The following TTN variants were observed in gnomAD, a reference collection of about 807,000 sequenced individuals.
TTN encodes connectin.
Under a neutral mutation model 3,223.0 loss-of-function variants are expected in TTN, and 1,525 were observed. The observed-to-expected ratio is 0.47, with a 90% confidence interval of 0.45 to 0.49. TTN has a LOEUF of 0.49. Among genes scored for constraint, TTN ranks in the 20% least tolerant of loss-of-function variants. The pLI is 0.00. For synonymous variants in TTN, 14,094 were observed against 15,161.0 expected (o/e 0.93, Z 5.17); for missense variants, 40,786 against 43,424.0 (o/e 0.94, Z 5.40).
intron 47 of TTN, chr2:178,747,648 G>A: frequency 2.5e-6 from 4 of 1,613,198 alleles, no homozygotes; most frequent in Non-Finnish European, 3.4e-6. Flanking sequence ...TTAGTTTCAG[G>A]AACCTCACGC....
Position 178,571,012 on chromosome 2 carries a change from A to T in TTN, c.75120T>A (p.Gly25040=). The T allele has an allele frequency of 6.2e-7, 1 of 1,612,608 alleles. No individual in the cohort carries two copies. Among genetic ancestry groups the T allele is most frequent in the South Asian group, 1.1e-5 (1 of 91,054 alleles). Residue 25040 remains glycine, a synonymous_variant, in exon 326 of 363, where the codon GGT becomes GGA. Transcript: ENST00000589042. ...PTYDGGSKIT[G]YIVEKKELPE... ...GTAATTCTTTCTTCTCAACAATATA[A>T]CCAGTGATCTTGCTTCCACCGTCAT...
At chr2:178,777,345 G>C in intron 26 of TTN, 28 bp from the exon 27 acceptor site, 1 of 1,613,322 alleles carries the variant, frequency 6.2e-7, no homozygotes. Context: ...TGATTTAGAG[G>C]GAGTAAGGCT....
intron 242 of TTN, among the ~76,000 whole-genome samples, chr2:178,623,959 T>C (rs2058670540): frequency 6.6e-6 from 1 of 151,952 alleles, no homozygotes; most frequent in Non-Finnish European, 1.5e-5. Flanking sequence ...TCTCAGAGAT[T>C]GAATCATGTG....
chr2:178,608,033 G>GT lies in TTN; in HGVS notation c.52753dup (p.Thr17585AsnfsTer3). The GT allele has an allele frequency of 6.2e-7, 1 of 1,612,804 alleles. No individual in the cohort carries two copies. The highest frequency in any genetic ancestry group is 8.5e-7 in the Non-Finnish European group (1 of 1,179,280). The stretch of plus-strand genomic sequence containing the variant: ...TGGGGGTTCCCATTCTAGTTCAATA[G>GT]TTGTAGAGCTTGTGTCAGTGACTCT... On this transcript the variant is annotated frameshift_variant, in exon 276 of 363. Coordinates refer to ENST00000589042, the MANE Select transcript of TTN (RefSeq NM_001267550.2). LOFTEE classifies it high-confidence loss of function.
At chr2:178,605,333 A>G (rs2054519162) in intron 279 of TTN, 38 bp from the exon 280 acceptor site, 7 of 1,536,030 alleles carry the variant, frequency 4.6e-6, no homozygotes, top group Admixed American at 2.1e-5. Flanking sequence ...TAACAAAGTC[A>G]TAAGGATGTT....
chr2:178,705,886 C>T (rs1277150336), intron 102 of TTN, among the ~76,000 whole-genome samples: 2 of 152,246 alleles, frequency 1.3e-5, no homozygotes, highest in East Asian at 3.9e-4. Flanking sequence ...AAGTTTCATA[C>T]CTAGGCACAG....
At chr2:178,580,825 C>G in intron 316 of TTN, 1 of 541,512 alleles carries the variant, frequency 1.8e-6, no homozygotes, top group Non-Finnish European at 3.2e-6. Flanking sequence ...CCAGGTTTTC[C>G]CCCCGGAGGA....
rs542293215 is a variant in TTN at position 178,605,723 on chromosome 2, G to C, written c.53582-10C>G. On this transcript the variant is annotated splice_polypyrimidine_tract_variant and intron_variant, in intron 278 of 362. Coordinates refer to ENST00000589042, the MANE Select transcript of TTN (RefSeq NM_001267550.2). The stretch of plus-strand genomic sequence containing the variant: ...GGAGATGTTGGAGGACCTTTAGCCA[G>C]AGGCAAGTGAAAATGATTAGCATGA... The C allele has an allele frequency of 2.7e-6, 4 of 1,459,500 alleles. No homozygotes were observed. The highest frequency in any genetic ancestry group is 3.6e-6 in the Non-Finnish European group (4 of 1,101,058). The allele number at this position is 1,459,500 out of a possible 1,614,324, so 90.4% of individuals were successfully genotyped here.
In TTN at chr2:178,577,626, T is replaced by C. The variant is rs749399592; in HGVS notation, c.68800A>G (p.Thr22934Ala). Reference sequence around the variant, plus strand: ...CCGTATTCATCCTTGCAAATAATGGTTTCTGTACTTTCTGATGGAGCACTG... The same window carrying C: ...CCGTATTCATCCTTGCAAATAATGGCTTCTGTACTTTCTGATGGAGCACTG... ...AISAPSESTE[T>A]IICKDEYEAP... Residue 22934 changes from threonine to alanine, a missense_variant, in exon 323 of 363, where the codon ACC becomes GCC. Physicochemically the swap from Thr to Ala is moderately conservative, Grantham distance 58 (BLOSUM62 0). Transcript: ENST00000589042. 58 of 1,611,132 alleles carry C rather than the reference T, an allele frequency of 3.6e-5. 1 individual carries two copies. The highest frequency in any genetic ancestry group is 4.9e-5 in the Non-Finnish European group (58 of 1,178,692).
intron 37 of TTN, 108 bp from the exon 38 acceptor site, chr2:178,769,041 G>T: frequency 8.0e-7 from 1 of 1,245,898 alleles, no homozygotes. Flanking sequence ...CGTCTGTTGA[G>T]GAGATTACAG....
chr2:178,617,281 C>T (rs1576500332), intron 254 of TTN, 44 bp downstream of exon 254: 2 of 1,541,610 alleles, frequency 1.3e-6, no homozygotes, highest in Non-Finnish European at 1.7e-6. Context: ...CAGTTATGTC[C>T]ATGATCCACA....
Position 178,569,254 on chromosome 2 carries a change from C to A in TTN, c.76878G>T (p.Leu25626Phe). The change falls in exon 326 of 363, where the codon TTG becomes TTT. Residue 25626 changes from leucine to phenylalanine, a missense_variant. By Grantham distance (22) the Leu-to-Phe change is conservative (BLOSUM62 0). Coordinates refer to ENST00000589042, the MANE Select transcript of TTN (RefSeq NM_001267550.2). Reference protein sequence around the residue: ...DSVSITWEPPLLDGGSKIKNY... With the variant: ...DSVSITWEPPFLDGGSKIKNY... ...TTTTTATTTTGGATCCCCCATCCAA[C>A]AAAGGAGGTTCCCATGTAATTGATA... 6.2e-7 allele frequency: 1 copy of A among 1,604,866 alleles called. No homozygotes were observed. Among genetic ancestry groups the A allele is most frequent in the Non-Finnish European group, 8.5e-7 (1 of 1,174,986 alleles).
At position 178,609,447 on chromosome 2, in the gene TTN, A is replaced by G. The variant is rs1366192608; in HGVS notation, c.51863T>C (p.Ile17288Thr). 9.3e-6 allele frequency: 15 copies of G among 1,612,348 alleles called. No individual in the cohort carries two copies. The highest frequency in any genetic ancestry group is 1.2e-5 in the Non-Finnish European group (14 of 1,179,100). ...ACGCTTCTTAATTTCCTCTGGTACA[A>G]TAACATTTTCATCCTTTATCCATGT... ...TITWIKDENV[I>T]VPEEIKKRAA... is the part of the protein sequence containing the mutation. Residue 17288 changes from isoleucine (I) to threonine (T), a missense_variant, in exon 273 of 363, where the codon ATT (isoleucine) becomes ACT (threonine). Coordinates refer to ENST00000589042, the MANE Select transcript of TTN (RefSeq NM_001267550.2).
At position 178,563,594 on chromosome 2, in the gene TTN, C is replaced by A. The variant is rs1704505707; in HGVS notation, c.82538G>T (p.Gly27513Val). The change falls in exon 326 of 363, where the codon GGC becomes GTC. Residue 27513 changes from glycine to valine, a missense_variant. Coordinates refer to ENST00000589042, the MANE Select transcript of TTN (RefSeq NM_001267550.2). This position sits in a 1 kb window ranked among gnomAD's most constrained non-coding sequence, Gnocchi z 4.5. ...GYILEKRDKE[G>V]VRWTKCNKKT... ...CTTGTTGCACTTGGTCCATCTAACG[C>A]CTTCCTTATCTCGTTTTTCAAGAAT... The A allele has an allele frequency of 6.2e-7, 1 of 1,613,640 alleles. No homozygotes were observed. Among genetic ancestry groups the A allele is most frequent in the Admixed American group, 1.7e-5 (1 of 59,978 alleles).
chr2:178,544,348 T>C lies in TTN; in HGVS notation c.95881A>G (p.Thr31961Ala), dbSNP rs1696035879. 1 of 1,613,830 alleles carries C rather than the reference T, an allele frequency of 6.2e-7. No homozygotes were observed. The highest frequency in any genetic ancestry group is 1.3e-5 in the African/African-American group (1 of 75,052). Residue 31961 changes from threonine to alanine, a missense_variant, in exon 345 of 363, where the codon ACC (threonine) becomes GCC (alanine). Thr to Ala is a moderately conservative substitution (Grantham distance 58, BLOSUM62 0). Transcript: ENST00000589042. ...KDTDQWYRVH[T>A]NATIRNTEFT... ...TCAGTATTTCTTATTGTGGCATTGG[T>C]ATGCACTCGGTACCACTGATCAGTG...
Position 178,592,227 on chromosome 2 carries a change from A to G in TTN, c.59677T>C (p.Ser19893Pro). Reference protein sequence around the residue: ...DLEVSEIRKDSCYLTWKEPLD... With the variant: ...DLEVSEIRKDPCYLTWKEPLD... The stretch of plus-strand genomic sequence containing the variant: ...GGTTCTTTCCAAGTAAGGTAACATG[A>G]ATCTTTCCTAATTTCACTGACTTCC... Residue 19893 changes from serine to proline, a missense_variant, in exon 302 of 363, where the codon TCA becomes CCA. Physicochemically the swap from Ser to Pro is moderately conservative, Grantham distance 74. Transcript: ENST00000589042. 2 of 1,611,690 alleles carry G rather than the reference A, an allele frequency of 1.2e-6. No homozygotes were observed. The highest frequency in any genetic ancestry group is 1.7e-6 in the Non-Finnish European group (2 of 1,178,872).
rs1184567415 is a variant in TTN at position 178,538,652 on chromosome 2, T to C, written c.99177A>G (p.Thr33059=). 6.2e-7 allele frequency: 1 copy of C among 1,613,768 alleles called. No homozygotes were observed. Among genetic ancestry groups the C allele is most frequent in the East Asian group, 2.2e-5 (1 of 44,862 alleles). Residue 33059 remains threonine (T), a synonymous_variant, in exon 354 of 363, where the codon ACA becomes ACG. Coordinates refer to ENST00000589042, the MANE Select transcript of TTN (RefSeq NM_001267550.2). ...CAGTAGCTTCCAGCAAACCTCCTATTGTGAATTGCTTGTCCTTAATACGTT... is the reference window on the plus strand; with the variant it reads ...CAGTAGCTTCCAGCAAACCTCCTATCGTGAATTGCTTGTCCTTAATACGTT... The part of the protein sequence containing the change: ...NKERIKDKQF[T]IGGLLEATEY...
In TTN at chr2:178,678,563, C is replaced by T; in HGVS notation, c.33827-66G>A. ...AAAATACTGATTCCAAGCATAGTTT[C>T]AAAAGATTAAGATAAGGTAATAAAA... On this transcript the variant is annotated intron_variant, in intron 143 of 362. Transcript: ENST00000589042. The T allele has an allele frequency of 9.6e-6, 13 of 1,350,164 alleles. 1 individual carries two copies. In the South Asian group the frequency reaches 1.7e-4, roughly 18 times the overall value. 83.6% of individuals were successfully genotyped at this position (1,350,164 alleles called of 1,614,324 possible). A position where few individuals can be genotyped will look rare whatever the true frequency, so the allele number is the denominator to read the frequency against.
In TTN at chr2:178,549,145, C is replaced by G. The variant is rs1440377710; in HGVS notation, c.92481G>C (p.Val30827=). ...TCTTTGATGTGTCTGTTACTTTGACCACTGTGGGAGGACCTGGTGGGTTGA... is the reference window on the plus strand; with the variant it reads ...TCTTTGATGTGTCTGTTACTTTGACGACTGTGGGAGGACCTGGTGGGTTGA... The part of the protein sequence containing the change: ...EPVNPPGPPT[V]VKVTDTSKTT... Residue 30827 remains valine, a synonymous_variant, in exon 339 of 363, where the codon GTG becomes GTC. Transcript: ENST00000589042. 6.2e-7 allele frequency: 1 copy of G among 1,613,782 alleles called. No homozygotes were observed.
Sources: allele counts gnomAD v4.1 joint callset (sites outside exome capture counted in the v4.1 genomes callset), GRCh38; gene constraint gnomAD v4.1.1; non-coding constraint Gnocchi (gnomAD v3.1); transcripts MANE v1.5; gene names NCBI Gene and HGNC (gene_info 2026-07-23, HGNC 2026-07-21).